Variants in FNBP1 observed in about 807,000 individuals in gnomAD.
The protein encoded by FNBP1 is formin binding protein 1, also known as formin-binding protein 1.
In FNBP1, 26 loss-of-function variants were observed where a neutral mutation model predicts 90.6. That is an observed-to-expected ratio of 0.29 (90% CI 0.21 to 0.40). The LOEUF (loss-of-function observed/expected upper bound fraction) is 0.40. Ranked by LOEUF, FNBP1 falls within the 10% of genes least tolerant of loss-of-function variation. The pLI, the probability that FNBP1 is intolerant of heterozygous loss-of-function variation, is 1.00. For missense variants in FNBP1, 635 were observed against 768.0 expected, an observed-to-expected ratio of 0.83 and a Z score of 2.05; for synonymous variants, 260 against 265.2, an observed-to-expected ratio of 0.98 and a Z score of 0.19.
At chr9:129,918,822 C>T (rs997234464) in intron 10 of FNBP1, among the ~76,000 whole-genome samples, 5 of 150,830 alleles carry the variant, frequency 3.3e-5, no homozygotes, top group East Asian at 3.9e-4. Flanking sequence ...ACATCTCAGA[C>T]GGCAGTCACA....
intron 6 of FNBP1, among the ~76,000 whole-genome samples, chr9:129,952,422 T>A (rs2046323579): frequency 6.6e-6 from 1 of 151,286 alleles, no homozygotes; most frequent in South Asian, 2.1e-4. Flanking sequence ...CGCTTGAACC[T>A]GGGAGGTGGA....
intron 1 of FNBP1, among the ~76,000 whole-genome samples, chr9:129,999,577 C>T (rs1239863303): frequency 4.7e-5 from 7 of 148,960 alleles, no homozygotes; most frequent in African/African-American, 1.0e-4. Flanking sequence ...CAGCCTGGGG[C>T]GACAGAGTGA....
chr9:129,946,742 G>T (rs1170565744), intron 6 of FNBP1, among the ~76,000 whole-genome samples: 1 of 152,220 alleles, frequency 6.6e-6, no homozygotes, highest in Non-Finnish European at 1.5e-5. Context: ...TGCAGATTCT[G>T]TTAGACAATA....
At chr9:129,958,466 C>T in intron 5 of FNBP1, 25 bp downstream of exon 5, 1 of 1,553,548 alleles carries the variant, frequency 6.4e-7, no homozygotes, top group Non-Finnish European at 8.7e-7. Context: ...AAAGCCGTTT[C>T]TTTTGCTGTG....
At chr9:130,051,457 A>C in the FNBP1 span, among the ~76,000 whole-genome samples, 1 of 152,250 alleles carries the variant, frequency 6.6e-6, no homozygotes, top group South Asian at 2.1e-4. Context: ...ATAATTATTT[A>C]ATAATAATAG....
chr9:130,035,910 C>T (rs889778331), intron 1 of FNBP1, among the ~76,000 whole-genome samples: 8 of 152,156 alleles, frequency 5.3e-5, no homozygotes, highest in Admixed American at 2.6e-4. Flanking sequence ...CGTGCCATTG[C>T]ACTCCAGCCT....
intron 6 of FNBP1, among the ~76,000 whole-genome samples, chr9:129,929,987 T>G (rs1368417448): frequency 6.6e-6 from 1 of 152,174 alleles, no homozygotes; most frequent in Non-Finnish European, 1.5e-5. Context: ...ATTATTTGGA[T>G]GACCCTTGTG....
intron 16 of FNBP1, among the ~76,000 whole-genome samples, chr9:129,893,051 C>T (rs901426963): frequency 8.6e-5 from 13 of 152,014 alleles, no homozygotes; most frequent in African/African-American, 2.7e-4. Flanking sequence ...GCCCTATTTT[C>T]GAGTTTTTCA....
At chr9:130,030,979 G>A (rs2058753369) in intron 1 of FNBP1, among the ~76,000 whole-genome samples, 2 of 152,220 alleles carry the variant, frequency 1.3e-5, no homozygotes, top group Admixed American at 1.3e-4. Flanking sequence ...GTGGAAAAAA[G>A]GACCTGTGGC....
chr9:129,896,027 G>T, intron 15 of FNBP1, 31 bp from the exon 16 acceptor site: 1 of 1,569,658 alleles, frequency 6.4e-7, no homozygotes, highest in Non-Finnish European at 8.6e-7. Context: ...TATGTTAGAT[G>T]TCTTGGCAAA....
intron 12 of FNBP1, among the ~76,000 whole-genome samples, chr9:129,904,981 A>C (rs190653591): frequency 4.0e-4 from 61 of 152,290 alleles, no homozygotes; most frequent in African/African-American, 1.3e-3. Context: ...AAATAATGTT[A>C]AATGTTCTTA....
At chr9:130,052,853 G>A in the FNBP1 span, among the ~76,000 whole-genome samples, 9 of 151,974 alleles carry the variant, frequency 5.9e-5, no homozygotes, top group Non-Finnish European at 1.2e-4. Flanking sequence ...AGTGACTCAC[G>A]CCTGTAATCC....
In FNBP1 at chr9:129,887,211, C is replaced by G. The variant is rs1003931426; in HGVS notation, c.*3328G>C. The G allele has an allele frequency of 5.6e-6, 1 of 180,080 alleles. No individual in the cohort carries two copies. The highest frequency in any genetic ancestry group is 2.0e-4 in the South Asian group (1 of 5,062). The allele number at this position is 180,080 out of a possible 1,614,324, so 11.2% of individuals were successfully genotyped here. A position where few individuals can be genotyped will look rare whatever the true frequency, so the allele number is the denominator to read the frequency against. On this transcript the variant is annotated 3_prime_UTR_variant, in exon 17 of 17. Coordinates refer to ENST00000446176, the MANE Select transcript of FNBP1 (RefSeq NM_015033.3). ...CCACAAGTTATATTTTATTTTAACACGAGATTAACATATAGTTACAAGGTC... is the reference window on the plus strand; with the variant it reads ...CCACAAGTTATATTTTATTTTAACAGGAGATTAACATATAGTTACAAGGTC...
chr9:129,900,309 A>G lies in FNBP1; in HGVS notation c.1550+117T>C. On this transcript the variant is annotated intron_variant, in intron 14 of 16. Coordinates refer to ENST00000446176, the MANE Select transcript of FNBP1 (RefSeq NM_015033.3). This position sits in a 1 kb window ranked among gnomAD's most constrained non-coding sequence, Gnocchi z 4.1. ...TGGAAAAAGTGACAGGTCAATCGCA[A>G]CAGACATTTTGGCATTGAACAAGTG... 1 of 1,205,110 alleles carries G rather than the reference A, an allele frequency of 8.3e-7. No homozygotes were observed. Among genetic ancestry groups the G allele is most frequent in the Non-Finnish European group, 1.1e-6 (1 of 892,786 alleles). The allele number at this position is 1,205,110 out of a possible 1,614,324, so 74.7% of individuals were successfully genotyped here. A position where few individuals can be genotyped will look rare whatever the true frequency, so the allele number is the denominator to read the frequency against.
intron 10 of FNBP1, among the ~76,000 whole-genome samples, chr9:129,923,430 G>T (rs146769994): frequency 0.013 from 1,940 of 151,870 alleles, 18 homozygotes; most frequent in Middle Eastern, 0.024. Flanking sequence ...AATATAAAAA[G>T]TAGCTGGGCG....
chr9:129,955,178 C>T (rs939574294), intron 6 of FNBP1, among the ~76,000 whole-genome samples: 2 of 151,618 alleles, frequency 1.3e-5, no homozygotes, highest in Non-Finnish European at 2.9e-5. Flanking sequence ...TCATTACTTG[C>T]TGCTGATATG....
At chr9:129,923,199 T>A (rs1400926951) in intron 10 of FNBP1, among the ~76,000 whole-genome samples, 1 of 152,036 alleles carries the variant, frequency 6.6e-6, no homozygotes, top group East Asian at 1.9e-4. Context: ...TCTAAGTGGT[T>A]TTTTTTGGTA....
At chr9:129,902,629 T>A (rs1030388755) in intron 13 of FNBP1, among the ~76,000 whole-genome samples, 7 of 152,112 alleles carry the variant, frequency 4.6e-5, no homozygotes, top group African/African-American at 1.7e-4. Context: ...CCGCACCGTA[T>A]ACAGATACAA....
rs1331891024 is a variant in FNBP1, at chr9:129,925,085, T to G, written c.862A>C (p.Thr288Pro). ...GACACAGTGCGCTTCATTGGCTGAGTGTAATCCTCAAATTCAATGTCTCCA... is the reference window on the plus strand; with the variant it reads ...GACACAGTGCGCTTCATTGGCTGAGGGTAATCCTCAAATTCAATGTCTCCA... ...PPGDIEFEDYTQPMKRTVSDN... is the reference protein window; with the variant it reads ...PPGDIEFEDYPQPMKRTVSDN... The change falls in exon 9 of 17, where the codon ACT (threonine) becomes CCT (proline). Residue 288 changes from threonine (T) to proline (P), a missense_variant. By Grantham distance (38) the Thr-to-Pro change is conservative (BLOSUM62 -1). Transcript: ENST00000446176. The G allele has an allele frequency of 1.2e-6, 2 of 1,613,912 alleles. No homozygotes were observed. The highest frequency in any genetic ancestry group is 1.7e-6 in the Non-Finnish European group (2 of 1,179,820).
Sources: allele counts gnomAD v4.1 joint callset (sites outside exome capture counted in the v4.1 genomes callset), GRCh38; gene constraint gnomAD v4.1.1; non-coding constraint Gnocchi (gnomAD v3.1); transcripts MANE v1.5; gene names NCBI Gene and HGNC (gene_info 2026-07-23, HGNC 2026-07-21).